The following SMAD6 variants were observed in gnomAD, a reference collection of about 807,000 sequenced individuals.
The protein encoded by SMAD6 is SMAD family member 6, also known as MAD homolog 6.
A neutral mutation model predicts 39.4 loss-of-function variants in SMAD6; 103 were observed. The ratio of observed to expected loss-of-function variants is 2.62; its 90% CI spans 2.23 to 3.08. The LOEUF is 3.08. SMAD6 is among the 30% of genes most tolerant of loss of function. The pLI is 0.00. For missense variants in SMAD6, 1,104 were observed against 742.9 expected, an observed-to-expected ratio of 1.49 and a Z score of -5.65; for synonymous variants, 445 against 353.3, an observed-to-expected ratio of 1.26 and a Z score of -2.91.
chr15:66,752,254 G>C (rs1894020083), intron 3 of SMAD6, among the ~76,000 whole-genome samples: 1 of 152,032 alleles, frequency 6.6e-6, no homozygotes, highest in Non-Finnish European at 1.5e-5. Flanking sequence ...CCTCTGTGGG[G>C]GGCCCTCCCC....
At position 66,781,160 on chromosome 15, in the gene SMAD6, C is replaced by T; in HGVS notation, c.1116C>T (p.Asn372=). The T allele has an allele frequency of 1.2e-6, 2 of 1,608,160 alleles. No individual in the cohort carries two copies. Among genetic ancestry groups the T allele is most frequent in the Non-Finnish European group, 1.7e-6 (2 of 1,179,744 alleles). The change falls in exon 4 of 4, where the codon AAC becomes AAT. Residue 372 remains asparagine, a synonymous_variant. Coordinates refer to ENST00000288840, the MANE Select transcript of SMAD6 (RefSeq NM_005585.5). ...QGSGFCLGQL[N]LEQRSESVRR... Reference sequence around the variant, plus strand: ...GCGGCTTCTGCCTGGGCCAGCTCAACCTGGAGCAGCGCAGCGAGTCGGTGC... The same window carrying T: ...GCGGCTTCTGCCTGGGCCAGCTCAATCTGGAGCAGCGCAGCGAGTCGGTGC...
chr15:66,734,240 T>C (rs1893676714), intron 3 of SMAD6, among the ~76,000 whole-genome samples: 1 of 152,232 alleles, frequency 6.6e-6, no homozygotes, highest in Non-Finnish European at 1.5e-5. Context: ...GGGTTTTGGC[T>C]GACCTCACCC....
Position 66,703,241 on chromosome 15 carries a change from G to A in SMAD6, c.-18G>A, listed in dbSNP as rs1893014777. On this transcript the variant is annotated 5_prime_UTR_variant, in exon 1 of 4. Coordinates refer to ENST00000288840, the MANE Select transcript of SMAD6 (RefSeq NM_005585.5). ...CGGAGACCGCCTCCCCCCCACCCCT[G>A]GCGCCAAAGGATATCGTATGTTCAG... 1 of 1,387,496 alleles carries A rather than the reference G, an allele frequency of 7.2e-7. No homozygotes were observed. The highest frequency in any genetic ancestry group is 9.4e-7 in the Non-Finnish European group (1 of 1,064,320). 85.9% of individuals were successfully genotyped at this position (1,387,496 alleles called of 1,614,324 possible).
chr15:66,712,708 A>AG (rs1360905502), intron 2 of SMAD6, among the ~76,000 whole-genome samples: 2 of 151,428 alleles, frequency 1.3e-5, no homozygotes, highest in East Asian at 3.9e-4. Context: ...AAAAAAAAAA[A>AG]AAAGAGTAGA....
At chr15:66,719,407 C>G (rs1403308582) in intron 3 of SMAD6, among the ~76,000 whole-genome samples, 1 of 152,084 alleles carries the variant, frequency 6.6e-6, no homozygotes, top group Non-Finnish European at 1.5e-5. Flanking sequence ...CAGGCCACTA[C>G]TGGACAAACC....
rs116057742 is a variant in SMAD6 at position 66,778,387 on chromosome 15, C to T, written c.953-2610C>T. Among the ~76,000 whole-genome samples, 1,476 of 152,298 alleles carry T rather than the reference C, an allele frequency of 9.7e-3. 25 individuals carry two copies. The highest frequency in any genetic ancestry group is 0.034 in the African/African-American group (1,428 of 41,544). On this transcript the variant is annotated intron_variant, in intron 3 of 3. Transcript: ENST00000288840. ...TTTTGGAAGCTGGGAAAGAGAAAGT[C>T]GCTTCCCCTGCCCCCTGTGCCCCTG... is the stretch of plus-strand genomic sequence containing the variant.
At chr15:66,772,094 G>A (rs1190025603) in intron 3 of SMAD6, among the ~76,000 whole-genome samples, 1 of 152,212 alleles carries the variant, frequency 6.6e-6, no homozygotes, top group East Asian at 1.9e-4. Flanking sequence ...GTGGCTTGGA[G>A]TGGATGTGGC....
intron 3 of SMAD6, among the ~76,000 whole-genome samples, chr15:66,766,153 C>T (rs529521357): frequency 1.2e-4 from 19 of 152,226 alleles, no homozygotes; most frequent in Admixed American, 2.6e-4. Flanking sequence ...GGAATGCAGA[C>T]GCTGGCAGCC....
intron 3 of SMAD6, among the ~76,000 whole-genome samples, chr15:66,727,423 AAGT>A (rs1682649171): frequency 6.6e-6 from 1 of 152,070 alleles, no homozygotes; most frequent in Non-Finnish European, 1.5e-5. Flanking sequence ...TTTCTCCAAT[AAGT>A]AGTGTGCCAG....
At chr15:66,750,310 G>A (rs576796458) in intron 3 of SMAD6, among the ~76,000 whole-genome samples, 15 of 152,266 alleles carry the variant, frequency 9.9e-5, no homozygotes, top group South Asian at 4.1e-4. Context: ...TCTTAGCTCC[G>A]AGTTAGACTG....
At chr15:66,768,377 C>T (rs555306385) in intron 3 of SMAD6, among the ~76,000 whole-genome samples, 3 of 152,236 alleles carry the variant, frequency 2.0e-5, no homozygotes, top group African/African-American at 7.2e-5. Context: ...ATGAAGCTTA[C>T]GTTTGAGAGC....
chr15:66,723,509 C>T (rs566069632), intron 3 of SMAD6, among the ~76,000 whole-genome samples: 1 of 152,020 alleles, frequency 6.6e-6, no homozygotes, highest in Non-Finnish European at 1.5e-5. Flanking sequence ...AAGACCCCTA[C>T]CTCTTAAAAA....
chr15:66,710,994 C>G (rs866100352), intron 1 of SMAD6, among the ~76,000 whole-genome samples: 2 of 152,220 alleles, frequency 1.3e-5, no homozygotes, highest in Non-Finnish European at 2.9e-5. Context: ...AATGCTAGCT[C>G]TAATGCAGCT....
At chr15:66,762,055 G>A (rs1894209951) in intron 3 of SMAD6, among the ~76,000 whole-genome samples, 1 of 152,190 alleles carries the variant, frequency 6.6e-6, no homozygotes, top group Non-Finnish European at 1.5e-5. Flanking sequence ...CCTCCTGCAG[G>A]CCAGCAGCAA....
intron 1 of SMAD6, chr15:66,704,398 C>G: frequency 4.0e-6 from 1 of 249,836 alleles, no homozygotes; most frequent in Non-Finnish European, 7.6e-6. Flanking sequence ...AAGGAGAGAC[C>G]AAAGAAGTAG....
In SMAD6 at chr15:66,703,843, G is replaced by A. The variant is rs779061201; in HGVS notation, c.585G>A (p.Val195=). 3 of 1,368,446 alleles carry A rather than the reference G, an allele frequency of 2.2e-6. No individual in the cohort carries two copies. Among genetic ancestry groups the A allele is most frequent in the Admixed American group, 4.9e-5 (2 of 40,576 alleles). The allele number at this position is 1,368,446 out of a possible 1,614,324, so 84.8% of individuals were successfully genotyped here. A position where few individuals can be genotyped will look rare whatever the true frequency, so the allele number is the denominator to read the frequency against. The change falls in exon 1 of 4, where the codon GTG becomes GTA. Residue 195 remains valine (V), a synonymous_variant. Transcript: ENST00000288840. ...CGCTGGACACGCTGCTGGAGGCGGT[G>A]GAGTCCCGCGGCGGCGTGCCGGGCG... The part of the protein sequence containing the change: ...ERSLDTLLEA[V]ESRGGVPGGC...
chr15:66,708,755 C>T (rs1893170693), intron 1 of SMAD6: 2 of 470,660 alleles, frequency 4.2e-6, no homozygotes, highest in Non-Finnish European at 8.9e-6. Context: ...TAGTGGTTGC[C>T]CAGGGTTTTG....
chr15:66,737,366 C>T (rs1390327093), intron 3 of SMAD6, among the ~76,000 whole-genome samples: 1 of 152,234 alleles, frequency 6.6e-6, no homozygotes, highest in Non-Finnish European at 1.5e-5. Context: ...AGCTGGCCAC[C>T]CCATCCTTCA....
intron 3 of SMAD6, among the ~76,000 whole-genome samples, chr15:66,750,162 C>A (rs1020338411): frequency 6.6e-6 from 1 of 152,136 alleles, no homozygotes; most frequent in Admixed American, 6.6e-5. Flanking sequence ...TCTCTTTTTA[C>A]AGATAGATAG....
Sources: allele counts gnomAD v4.1 joint callset (sites outside exome capture counted in the v4.1 genomes callset), GRCh38; gene constraint gnomAD v4.1.1; transcripts MANE v1.5; gene names NCBI Gene and HGNC (gene_info 2026-07-23, HGNC 2026-07-21).